The following CLVS1 variants were observed in gnomAD, a reference collection of about 807,000 sequenced individuals.
CLVS1 encodes the protein clavesin 1.
In CLVS1, 10 loss-of-function variants were observed where a neutral mutation model predicts 33.1. That is an observed-to-expected ratio of 0.30 (90% CI 0.19 to 0.51). CLVS1 has a LOEUF of 0.51. Ranked by LOEUF, CLVS1 falls within the 20% of genes least tolerant of loss-of-function variation. The probability of loss-of-function intolerance (pLI) is 0.97; values close to 1 mark genes in which losing one functional copy is unlikely to be tolerated. For missense variants in CLVS1, 343 were observed against 433.4 expected (o/e 0.79, Z 1.85); for synonymous variants, 163 against 166.1 (o/e 0.98, Z 0.14).
intron 2 of CLVS1, among the ~76,000 whole-genome samples, chr8:61,238,591 A>G (rs528528739): frequency 1.3e-5 from 2 of 152,158 alleles, no homozygotes; most frequent in Non-Finnish European, 2.9e-5. Flanking sequence ...TCTCAATTCA[A>G]GTGACAGGTA....
chr8:61,372,561 C>T lies in CLVS1; in HGVS notation c.456-4044C>T, dbSNP rs1396737104. 2.0e-5 allele frequency among the ~76,000 whole-genome samples: 3 copies of T among 151,612 alleles called. No homozygotes were observed. The South Asian group carries it at 6.3e-4, about 32-fold the overall frequency. Reference sequence around the variant, plus strand: ...TACGACTAATGAACCATTATTAATACGTTATTCATTAATGTCCATACGTTA... The same window carrying T: ...TACGACTAATGAACCATTATTAATATGTTATTCATTAATGTCCATACGTTA... On this transcript the variant is annotated intron_variant, in intron 2 of 5. Transcript: ENST00000325897.
chr8:61,031,534 C>A, the CLVS1 span, among the ~76,000 whole-genome samples: 2,217 of 152,300 alleles, frequency 0.015, 59 homozygotes, highest in African/African-American at 0.05. Context: ...ACAATGCCTC[C>A]ATTTTCCTCT....
chr8:61,440,593 T>C (rs747852471), intron 3 of CLVS1, among the ~76,000 whole-genome samples: 6 of 152,208 alleles, frequency 3.9e-5, no homozygotes, highest in Non-Finnish European at 7.3e-5. Context: ...TAGGGAATAT[T>C]GTTTAGGTTG....
At chr8:61,463,481 G>T (rs910109024) in intron 5 of CLVS1, among the ~76,000 whole-genome samples, 29 of 152,096 alleles carry the variant, frequency 1.9e-4, no homozygotes, top group African/African-American at 7.0e-4. Context: ...TCTAGCTTTT[G>T]GTTTAAAATG....
At chr8:61,102,235 G>A (rs766571893) in intron 1 of CLVS1, among the ~76,000 whole-genome samples, 1 of 152,030 alleles carries the variant, frequency 6.6e-6, no homozygotes, top group South Asian at 2.1e-4. Context: ...TCATGAATAT[G>A]GGATGTCTTT....
chr8:61,357,501 T>TTTTTTTTTTTTTTC (rs1812781177), intron 2 of CLVS1, among the ~76,000 whole-genome samples: 2 of 99,298 alleles, frequency 2.0e-5, no homozygotes, highest in Admixed American at 2.1e-4. Flanking sequence ...TTTCTTTTTT[T>TTTTTTTTTTTTTTC]TTTTTTTTTT....
intron 5 of CLVS1, among the ~76,000 whole-genome samples, chr8:61,479,526 C>T (rs985398653): frequency 6.6e-6 from 1 of 152,064 alleles, no homozygotes; most frequent in Admixed American, 6.6e-5. Context: ...GCCATTGGTT[C>T]TAACTTCCTC....
intron 2 of CLVS1, among the ~76,000 whole-genome samples, chr8:61,262,003 T>A (rs1809215727): frequency 6.6e-6 from 1 of 151,642 alleles, no homozygotes; most frequent in Non-Finnish European, 1.5e-5. Flanking sequence ...TGTGTGTGTG[T>A]GTGTGTGTGT....
At chr8:61,042,436 G>A in the CLVS1 span, among the ~76,000 whole-genome samples, 1 of 152,168 alleles carries the variant, frequency 6.6e-6, no homozygotes, top group South Asian at 2.1e-4. Flanking sequence ...TCAGGAACTA[G>A]GTGGCTTATA....
intron 3 of CLVS1, among the ~76,000 whole-genome samples, chr8:61,435,639 A>T (rs547914074): frequency 0.024 from 3,606 of 152,128 alleles, 127 homozygotes; most frequent in African/African-American, 0.081. Flanking sequence ...AAAAAAAAAA[A>T]AAATGCTTCA....
At chr8:61,378,967 A>G (rs1171813336) in intron 3 of CLVS1, among the ~76,000 whole-genome samples, 1 of 152,154 alleles carries the variant, frequency 6.6e-6, no homozygotes, top group African/African-American at 2.4e-5. Context: ...ACAGGTGTCC[A>G]TTTGTTAGCC....
At chr8:61,128,435 A>T (rs1806019308) in intron 1 of CLVS1, among the ~76,000 whole-genome samples, 1 of 152,120 alleles carries the variant, frequency 6.6e-6, no homozygotes, top group African/African-American at 2.4e-5. Flanking sequence ...TTTTTCTGGA[A>T]TTTTTTTCTC....
At chr8:61,120,338 G>A (rs1286062083) in intron 1 of CLVS1, among the ~76,000 whole-genome samples, 2 of 126,228 alleles carry the variant, frequency 1.6e-5, no homozygotes, top group Non-Finnish European at 3.2e-5. Flanking sequence ...GTAGCTCAGA[G>A]TAATTTGATC....
chr8:61,004,652 G>C, the CLVS1 span, among the ~76,000 whole-genome samples: 1 of 152,182 alleles, frequency 6.6e-6, no homozygotes. Flanking sequence ...ACAAAGCAGC[G>C]ACACAAACAG....
intron 2 of CLVS1, among the ~76,000 whole-genome samples, chr8:61,257,673 T>A (rs936699292): frequency 4.6e-5 from 7 of 152,072 alleles, no homozygotes; most frequent in African/African-American, 9.7e-5. Flanking sequence ...TAGAAAAAGC[T>A]GAATAATTAA....
intron 2 of CLVS1, among the ~76,000 whole-genome samples, chr8:61,242,763 A>G (rs1563459367): frequency 1.3e-5 from 2 of 152,052 alleles, no homozygotes; most frequent in Admixed American, 6.5e-5. Context: ...TTTGAACTCC[A>G]GCCTGGGCAG....
intron 2 of CLVS1, among the ~76,000 whole-genome samples, chr8:61,201,821 A>C (rs1046933536): frequency 4.6e-5 from 7 of 152,186 alleles, no homozygotes; most frequent in African/African-American, 1.4e-4. Flanking sequence ...CTAGAACATA[A>C]ATTTAATTTA....
At chr8:61,007,650 C>T in the CLVS1 span, among the ~76,000 whole-genome samples, 3 of 152,244 alleles carry the variant, frequency 2.0e-5, no homozygotes, top group Non-Finnish European at 4.4e-5. Flanking sequence ...CTCCTGAGAA[C>T]GCAAGCAGCC....
At chr8:61,038,451 A>ATG in the CLVS1 span, among the ~76,000 whole-genome samples, 6 of 146,958 alleles carry the variant, frequency 4.1e-5, no homozygotes, top group East Asian at 2.0e-4. Flanking sequence ...ATATATATAT[A>ATG]TATATGACAT....
Sources: gnomAD v4.1 joint callset for allele counts (sites outside exome capture counted in the v4.1 genomes callset) on GRCh38, gnomAD v4.1.1 for gene constraint, MANE v1.5 for transcripts, NCBI Gene and HGNC (gene_info 2026-07-23, HGNC 2026-07-21) for gene names.